The following XKR4 variants were observed in gnomAD, a reference collection of about 807,000 sequenced individuals.
XKR4 encodes the protein XK related 4.
XKR4 carries 12 observed loss-of-function variants against 53.9 expected under a neutral mutation model. The observed-to-expected ratio is 0.22, with a 90% CI of 0.14 to 0.36. The LOEUF (loss-of-function observed/expected upper bound fraction) is 0.36. Among genes scored for constraint, XKR4 ranks in the 10% least tolerant of loss-of-function variants. XKR4 has a pLI of 1.00. For synonymous variants in XKR4, 354 were observed against 362.4 expected (o/e 0.98, Z 0.26); for missense variants, 799 against 859.5 (o/e 0.93, Z 0.88).
Position 55,464,721 on chromosome 8 carries a change from G to A in XKR4, c.1007-58560G>A, listed in dbSNP as rs555748244. ...GTCCCTGTTTGCAGATGACATGATT[G>A]TATATTTAGAAAACCCCATTTTCTC... On this transcript the variant is annotated intron_variant, in intron 2 of 2. Coordinates refer to ENST00000327381, the MANE Select transcript of XKR4 (RefSeq NM_052898.2). Among the ~76,000 whole-genome samples, 731 of 152,206 alleles carry A rather than the reference G, an allele frequency of 4.8e-3. 1 individual carries two copies. Among genetic ancestry groups the A allele is most frequent in the Admixed American group, 0.012 (181 of 15,296 alleles).
intron 1 of XKR4, among the ~76,000 whole-genome samples, chr8:55,144,980 T>C (rs1816752644): frequency 6.6e-6 from 1 of 152,064 alleles, no homozygotes; most frequent in East Asian, 1.9e-4. Context: ...TGTGGGTGCC[T>C]GCCACCATGC....
At chr8:55,450,665 C>T (rs1170470040) in intron 2 of XKR4, 2 of 597,294 alleles carry the variant, frequency 3.3e-6, no homozygotes, top group Non-Finnish European at 6.4e-6. Context: ...AGTGTGAAGC[C>T]GCTGCTCTGT....
intron 1 of XKR4, among the ~76,000 whole-genome samples, chr8:55,200,140 C>T (rs1232476981): frequency 6.6e-6 from 1 of 152,190 alleles, no homozygotes; most frequent in Non-Finnish European, 1.5e-5. Context: ...TCTCGGCTCA[C>T]AGCTGCAACC....
intron 1 of XKR4, among the ~76,000 whole-genome samples, chr8:55,342,181 T>C (rs1262932974): frequency 1.3e-5 from 2 of 152,040 alleles, no homozygotes; most frequent in Non-Finnish European, 2.9e-5. Flanking sequence ...GGAGTCAGCA[T>C]TGCCTCCTCT....
At chr8:55,396,290 C>T (rs1804516496) in intron 2 of XKR4, among the ~76,000 whole-genome samples, 1 of 151,834 alleles carries the variant, frequency 6.6e-6, no homozygotes, top group African/African-American at 2.4e-5. Flanking sequence ...AGTGGCAAAG[C>T]TCTGCCTTAT....
chr8:55,270,936 C>T (rs1818682868), intron 1 of XKR4, among the ~76,000 whole-genome samples: 1 of 152,156 alleles, frequency 6.6e-6, no homozygotes, highest in Non-Finnish European at 1.5e-5. Context: ...GAGTGAGCTG[C>T]AATACTTCAA....
In XKR4 at chr8:55,452,023, G is replaced by T. The variant is rs1254323212; in HGVS notation, c.1007-71258G>T. ...ATGGTCTTCTTGACGTTCTTAACCA[G>T]GTTCCAGGACAGGGTTCTGAGGGAA... On this transcript the variant is annotated intron_variant, in intron 2 of 2. Coordinates refer to ENST00000327381, the MANE Select transcript of XKR4 (RefSeq NM_052898.2). 3 of 763,838 alleles carry T rather than the reference G, an allele frequency of 3.9e-6. No homozygotes were observed. In the East Asian group the frequency reaches 7.4e-5, roughly 19 times the overall value. The allele number at this position is 763,838 out of a possible 1,614,324, so 47.3% of individuals were successfully genotyped here. A position where few individuals can be genotyped will look rare whatever the true frequency, so the allele number is the denominator to read the frequency against.
intron 1 of XKR4, among the ~76,000 whole-genome samples, chr8:55,144,516 C>T (rs1419124062): frequency 6.6e-6 from 1 of 152,052 alleles, no homozygotes; most frequent in Non-Finnish European, 1.5e-5. Context: ...TGGATTTTGG[C>T]CTAGTGCTGT....
In XKR4 at chr8:55,289,755, G is replaced by T. The variant is rs561818312; in HGVS notation, c.807-67923G>T. Among the ~76,000 whole-genome samples the T allele has an allele frequency of 1.3e-4, 18 of 141,220 alleles. No individual in the cohort carries two copies. The East Asian group carries it at 3.7e-3, about 29-fold the overall frequency. 92.6% of individuals were successfully genotyped at this position (141,220 alleles called of 152,430 possible). On this transcript the variant is annotated intron_variant, in intron 1 of 2. Coordinates refer to ENST00000327381, the MANE Select transcript of XKR4 (RefSeq NM_052898.2). ...AAAGAAAGAAAGAAAAAGAAAGAAAGAAAGAGAGAAAGAAAGAGAAAGAGA... is the reference window on the plus strand; with the variant it reads ...AAAGAAAGAAAGAAAAAGAAAGAAATAAAGAGAGAAAGAAAGAGAAAGAGA...
chr8:55,401,100 A>G (rs1265323835), intron 2 of XKR4, among the ~76,000 whole-genome samples: 1 of 152,228 alleles, frequency 6.6e-6, no homozygotes, highest in Non-Finnish European at 1.5e-5. Flanking sequence ...TATCTGGGTC[A>G]GTAACCGTGG....
At chr8:55,217,735 A>G (rs998670438) in intron 1 of XKR4, among the ~76,000 whole-genome samples, 2 of 144,090 alleles carry the variant, frequency 1.4e-5, no homozygotes, top group Non-Finnish European at 3.0e-5. Context: ...ATAGGAAGAC[A>G]GATTAGATAG....
chr8:55,139,404 G>A (rs116323775), intron 1 of XKR4, among the ~76,000 whole-genome samples: 5 of 151,510 alleles, frequency 3.3e-5, no homozygotes, highest in African/African-American at 1.2e-4. Flanking sequence ...TGCGGTGGCG[G>A]CAGGCCCCGG....
chr8:55,267,511 G>A (rs1017463537), intron 1 of XKR4, among the ~76,000 whole-genome samples: 6 of 152,144 alleles, frequency 3.9e-5, no homozygotes, highest in African/African-American at 1.2e-4. Flanking sequence ...TGCTGAAACA[G>A]ACAATTCCCA....
chr8:55,198,560 G>A (rs941597894), intron 1 of XKR4, among the ~76,000 whole-genome samples: 3 of 151,690 alleles, frequency 2.0e-5, no homozygotes, highest in African/African-American at 7.3e-5. Context: ...ACTCATATGG[G>A]TGCTTTCATA....
chr8:55,465,572 A>G (rs1219819902), intron 2 of XKR4, among the ~76,000 whole-genome samples: 1 of 151,960 alleles, frequency 6.6e-6, no homozygotes, highest in East Asian at 1.9e-4. Context: ...GGACATAGGC[A>G]TGGGCAAGGA....
chr8:55,345,963 A>G (rs1317195866), intron 1 of XKR4, among the ~76,000 whole-genome samples: 2 of 152,098 alleles, frequency 1.3e-5, no homozygotes, highest in Non-Finnish European at 2.9e-5. Context: ...TCCAGAGAAG[A>G]TATCTAGAGT....
intron 1 of XKR4, among the ~76,000 whole-genome samples, chr8:55,212,369 A>G (rs954231405): frequency 2.6e-5 from 4 of 152,206 alleles, no homozygotes; most frequent in African/African-American, 9.6e-5. Context: ...AGGTCAAAGA[A>G]ATACATTTTG....
intron 2 of XKR4, among the ~76,000 whole-genome samples, chr8:55,380,244 G>C (rs972098833): frequency 3.9e-5 from 6 of 152,200 alleles, no homozygotes; most frequent in Admixed American, 1.3e-4. Flanking sequence ...GGGGAATAAG[G>C]TTGGGCACCA....
intron 2 of XKR4, among the ~76,000 whole-genome samples, chr8:55,477,419 C>A (rs1416343335): frequency 6.6e-6 from 1 of 152,070 alleles, no homozygotes; most frequent in Non-Finnish European, 1.5e-5. Flanking sequence ...TCAACATCAA[C>A]AAAGACCAAA....
Sources: gnomAD v4.1 joint callset for allele counts (sites outside exome capture counted in the v4.1 genomes callset) on GRCh38, gnomAD v4.1.1 for gene constraint, MANE v1.5 for transcripts, NCBI Gene and HGNC (gene_info 2026-07-23, HGNC 2026-07-21) for gene names.